Variants in BEND6 observed in about 807,000 individuals in gnomAD.
BEND6 encodes BEN domain-containing protein 6.
In BEND6, 24 loss-of-function variants were observed where a neutral mutation model predicts 31.8. That is an observed-to-expected ratio of 0.75 (90% confidence interval 0.55 to 1.06). The LOEUF is 1.06. Among genes scored for constraint, BEND6 ranks in the 50% least tolerant of loss-of-function variants. The pLI is 0.00. For synonymous variants in BEND6, 109 were observed against 114.6 expected, an observed-to-expected ratio of 0.95 and a Z score of 0.31; for missense variants, 294 against 327.4, an observed-to-expected ratio of 0.90 and a Z score of 0.79.
At chr6:57,003,001 A>C (rs1827002857) in intron 3 of BEND6, among the ~76,000 whole-genome samples, 1 of 152,222 alleles carries the variant, frequency 6.6e-6, no homozygotes. Context: ...AAACAAGCAC[A>C]ATCAGAAACA....
intron 3 of BEND6, among the ~76,000 whole-genome samples, chr6:57,012,095 A>G (rs1208631077): frequency 2.0e-5 from 3 of 152,230 alleles, no homozygotes; most frequent in Non-Finnish European, 2.9e-5. Context: ...ACTGCACTCC[A>G]GCCTGGGTGG....
chr6:56,961,223 C>T (rs1825275748), intron 1 of BEND6, among the ~76,000 whole-genome samples: 1 of 152,154 alleles, frequency 6.6e-6, no homozygotes. Context: ...CACCTGGGTA[C>T]CCCTGAGACT....
intron 3 of BEND6, among the ~76,000 whole-genome samples, chr6:57,000,313 T>C (rs1198284713): frequency 6.6e-6 from 1 of 152,148 alleles, no homozygotes; most frequent in African/African-American, 2.4e-5. Context: ...CTGAAACATG[T>C]GCTGTGTTAA....
intron 1 of BEND6, among the ~76,000 whole-genome samples, chr6:56,973,934 G>A (rs982992728): frequency 6.6e-6 from 1 of 152,082 alleles, no homozygotes; most frequent in South Asian, 2.1e-4. Flanking sequence ...TGTATTTTCT[G>A]TAGAGATGTG....
In BEND6 at chr6:56,956,780, G is replaced by A. The variant is rs1240364749; in HGVS notation, c.-101+1320G>A. Reference sequence around the variant, plus strand: ...TGGCTAAAGGTTTCTTGATACCGCAGCCCACTGCAGTGAGAAACTATTCAA... The same window carrying A: ...TGGCTAAAGGTTTCTTGATACCGCAACCCACTGCAGTGAGAAACTATTCAA... On this transcript the variant is annotated intron_variant, in intron 1 of 6. Transcript: ENST00000370746. 4.6e-5 allele frequency among the ~76,000 whole-genome samples: 7 copies of A among 152,198 alleles called. No individual in the cohort carries two copies. In the East Asian group the frequency reaches 7.7e-4, roughly 17 times the overall value.
chr6:56,996,440 CTG>C (rs1332020265), intron 3 of BEND6, among the ~76,000 whole-genome samples: 1 of 151,992 alleles, frequency 6.6e-6, no homozygotes, highest in African/African-American at 2.4e-5. Flanking sequence ...TAGCGAGACT[CTG>C]TCAAAAACAA....
At chr6:56,997,014 T>C (rs1826742373) in intron 3 of BEND6, among the ~76,000 whole-genome samples, 1 of 152,194 alleles carries the variant, frequency 6.6e-6, no homozygotes, top group South Asian at 2.1e-4. Context: ...GTATAAAAAC[T>C]AAAGTCTTTT....
chr6:56,955,624 AC>A (rs1430851613), intron 1 of BEND6, among the ~76,000 whole-genome samples, 164 bp downstream of exon 1: 1 of 151,754 alleles, frequency 6.6e-6, no homozygotes, highest in Non-Finnish European at 1.5e-5. Flanking sequence ...GCAGAGGTGA[AC>A]TCTTCCACCC....
chr6:56,991,736 A>G (rs961661673), intron 2 of BEND6, among the ~76,000 whole-genome samples: 2 of 152,186 alleles, frequency 1.3e-5, no homozygotes, highest in Non-Finnish European at 2.9e-5. Flanking sequence ...TAAAAAATGT[A>G]TAGCTTGATT....
rs551702900 is a variant in BEND6, at chr6:57,000,482, C to T, written c.298+7927C>T. 5.3e-5 allele frequency among the ~76,000 whole-genome samples: 8 copies of T among 152,040 alleles called. No homozygotes were observed. In the East Asian group the frequency reaches 1.4e-3, roughly 26 times the overall value. On this transcript the variant is annotated intron_variant, in intron 3 of 6. Transcript: ENST00000370746. Reference sequence around the variant, plus strand: ...TAGGAAAACCAGAGACCTTTGTTCTCGTGTTTATCTGCTGACCTTCTCTCC... The same window carrying T: ...TAGGAAAACCAGAGACCTTTGTTCTTGTGTTTATCTGCTGACCTTCTCTCC...
chr6:57,013,058 C>A (rs1050781385), intron 3 of BEND6, among the ~76,000 whole-genome samples: 1 of 152,154 alleles, frequency 6.6e-6, no homozygotes, highest in Non-Finnish European at 1.5e-5. Context: ...GGGTCAAGCA[C>A]CTGATGCTTC....
chr6:56,981,168 A>G (rs987772210), intron 1 of BEND6, among the ~76,000 whole-genome samples: 3 of 152,098 alleles, frequency 2.0e-5, no homozygotes, highest in Admixed American at 6.6e-5. Context: ...TGAAAATACT[A>G]TTGCCCTTGA....
In BEND6 at chr6:56,980,669, A is replaced by G. The variant is rs79018199; in HGVS notation, c.-100-1042A>G. 9.1e-3 allele frequency among the ~76,000 whole-genome samples: 1,390 copies of G among 152,294 alleles called. 20 individuals are homozygous for G. Among genetic ancestry groups the G allele is most frequent in the African/African-American group, 0.03 (1,252 of 41,558 alleles). ...ACAAGCATTTTTGACAGGACCATCC[A>G]AATATTATTTTATGCTTAGAGTAGA... On this transcript the variant is annotated intron_variant, in intron 1 of 6. Transcript: ENST00000370746.
intron 3 of BEND6, chr6:57,008,528 ACTTCACTGCAGC>A: frequency 3.1e-6 from 1 of 319,074 alleles, no homozygotes; most frequent in Non-Finnish European, 5.7e-6. Flanking sequence ...GCCTGCCACA[ACTTCACTGCAGC>A]CTGGGTGACA....
chr6:57,022,158 CTTTT>C (rs1320495722), intron 6 of BEND6, among the ~76,000 whole-genome samples: 1,230 of 122,412 alleles, frequency 0.01, 24 homozygotes, highest in African/African-American at 0.033. Flanking sequence ...TTCTTTTTTT[CTTTT>C]TCTTTTTTTT....
chr6:57,025,629 A>G lies in BEND6; in HGVS notation c.*10-453A>G, dbSNP rs193021786. ...ACAGGCACTCTGATTTGGTGCCTCA[A>G]GATGATGAGGAAGCTCACTGTCCAC... On this transcript the variant is annotated intron_variant, in intron 6 of 6. Transcript: ENST00000370746. Among the ~76,000 whole-genome samples the G allele has an allele frequency of 3.9e-5, 6 of 152,354 alleles. No homozygotes were observed. In the East Asian group the frequency reaches 1.2e-3, roughly 29 times the overall value.
At chr6:56,956,652 G>A (rs1300342929) in intron 1 of BEND6, among the ~76,000 whole-genome samples, 2 of 152,216 alleles carry the variant, frequency 1.3e-5, no homozygotes, top group Admixed American at 1.3e-4. Flanking sequence ...CATAAGGTGG[G>A]AATTTTGAAT....
At chr6:56,958,122 C>A (rs908954744) in intron 1 of BEND6, among the ~76,000 whole-genome samples, 4 of 152,196 alleles carry the variant, frequency 2.6e-5, no homozygotes, top group Non-Finnish European at 5.9e-5. Context: ...GGAAGCCTGA[C>A]ACTTTATAAT....
intron 3 of BEND6, among the ~76,000 whole-genome samples, chr6:56,998,711 AT>A (rs34833735): frequency 0.93 from 137,514 of 148,548 alleles, 64,574 homozygotes; most frequent in Non-Finnish European, 1. Context: ...CTGGGAAAGG[AT>A]TTTTTTTTAA....
Sources: gnomAD v4.1 joint callset for allele counts (sites outside exome capture counted in the v4.1 genomes callset) on GRCh38, gnomAD v4.1.1 for gene constraint, MANE v1.5 for transcripts, NCBI Gene and HGNC (gene_info 2026-07-23, HGNC 2026-07-21) for gene names.